The following ACAD11 variants were observed in gnomAD, a reference collection of about 807,000 sequenced individuals.
ACAD11 encodes acyl-Coenzyme A dehydrogenase family, member 11.
ACAD11 carries 83 observed loss-of-function variants against 102.2 expected under a neutral mutation model. The ratio of observed to expected loss-of-function variants is 0.81; its 90% confidence interval spans 0.68 to 0.97. The LOEUF (loss-of-function observed/expected upper bound fraction) is 0.97, where lower values mean the gene tolerates loss of function less well. Among genes scored for constraint, ACAD11 ranks in the 50% least tolerant of loss-of-function variants. The pLI is 0.00. For synonymous variants in ACAD11, 324 were observed against 319.8 expected (o/e 1.01, Z -0.14); for missense variants, 901 against 951.7 (o/e 0.95, Z 0.70).
chr3:132,627,948 AT>A (rs1939891183), intron 8 of ACAD11, among the ~76,000 whole-genome samples: 1 of 152,220 alleles, frequency 6.6e-6, no homozygotes, highest in Non-Finnish European at 1.5e-5. Flanking sequence ...TGCTTATGAA[AT>A]GTCTGAATAT....
At chr3:132,571,719 A>G (rs1937388414) in intron 17 of ACAD11, among the ~76,000 whole-genome samples, 1 of 152,190 alleles carries the variant, frequency 6.6e-6, no homozygotes, top group Non-Finnish European at 1.5e-5. Flanking sequence ...ACCATGATCC[A>G]GTAGGCTATA....
At chr3:132,594,468 C>T (rs1938214446) in intron 13 of ACAD11, among the ~76,000 whole-genome samples, 1 of 152,168 alleles carries the variant, frequency 6.6e-6, no homozygotes, top group South Asian at 2.1e-4. Flanking sequence ...GGATAAGTTA[C>T]TTAAATATCA....
chr3:132,654,282 A>G (rs1456367681), intron 1 of ACAD11, among the ~76,000 whole-genome samples: 1 of 152,250 alleles, frequency 6.6e-6, no homozygotes, highest in Non-Finnish European at 1.5e-5. Context: ...TAAACATCCT[A>G]GAGTGCACTT....
chr3:132,624,165 G>A (rs926238800), intron 9 of ACAD11, among the ~76,000 whole-genome samples: 1 of 151,802 alleles, frequency 6.6e-6, no homozygotes, highest in Admixed American at 6.6e-5. Flanking sequence ...ATTTAGCCCG[G>A]TATGGTGGCA....
At chr3:132,621,674 G>C (rs975403984) in intron 9 of ACAD11, among the ~76,000 whole-genome samples, 2 of 152,100 alleles carry the variant, frequency 1.3e-5, no homozygotes, top group Admixed American at 1.3e-4. Context: ...ATGATAAATA[G>C]GTAGGTAAAC....
chr3:132,616,221 C>T (rs919280608), intron 11 of ACAD11, among the ~76,000 whole-genome samples: 31 of 152,108 alleles, frequency 2.0e-4, no homozygotes, highest in African/African-American at 7.2e-4. Context: ...AATCTCTGTC[C>T]AATTTTAAAA....
chr3:132,634,016 AAC>A (rs1299984402), intron 5 of ACAD11, among the ~76,000 whole-genome samples: 1 of 152,132 alleles, frequency 6.6e-6, no homozygotes, highest in Admixed American at 6.5e-5. Flanking sequence ...TCATGTCTAA[AAC>A]ACCAAAAGCA....
chr3:132,599,070 T>C (rs1050949641), intron 13 of ACAD11, among the ~76,000 whole-genome samples: 1 of 152,188 alleles, frequency 6.6e-6, no homozygotes, highest in Admixed American at 6.5e-5. Context: ...TCCAACTCTT[T>C]GCGAGGCCAA....
chr3:132,564,448 T>C (rs80061220), intron 17 of ACAD11, among the ~76,000 whole-genome samples: 2,667 of 152,384 alleles, frequency 0.018, 47 homozygotes, highest in South Asian at 0.084. Context: ...TAACAATAGT[T>C]GTAGAACTAT....
chr3:132,601,291 C>G (rs1415109973), intron 13 of ACAD11: 13 of 1,613,820 alleles, frequency 8.1e-6, no homozygotes, highest in Non-Finnish European at 1.0e-5. Flanking sequence ...ACAGCTGCCT[C>G]AACCCAATCC....
At chr3:132,618,818 C>T in intron 10 of ACAD11, 46 bp from the exon 11 acceptor site, 3 of 1,466,088 alleles carry the variant, frequency 2.0e-6, no homozygotes, top group Non-Finnish European at 1.8e-6. Context: ...TTTACCAGGA[C>T]TCACAGTAGT....
At chr3:132,655,295 G>C (rs182330380) in intron 1 of ACAD11, among the ~76,000 whole-genome samples, 12 of 152,296 alleles carry the variant, frequency 7.9e-5, no homozygotes, top group African/African-American at 2.4e-4. Flanking sequence ...ACAAGAAGCA[G>C]AGATTCTGTT....
At position 132,611,020 on chromosome 3, in the gene ACAD11, C is replaced by T. The variant is rs113161198; in HGVS notation, c.1415-5815G>A. Among the ~76,000 whole-genome samples the T allele has an allele frequency of 1.4e-3, 217 of 152,260 alleles. 2 individuals carry two copies. Among genetic ancestry groups the T allele is most frequent in the African/African-American group, 4.5e-3 (189 of 41,546 alleles). ...TCCAGCAGCACATCAAAAAGCTTAT[C>T]CACCATGATCAAGTGGGCTTCATCC... On this transcript the variant is annotated intron_variant, in intron 11 of 19. Transcript: ENST00000264990.
chr3:132,626,568 A>T (rs1939822009), intron 9 of ACAD11, 123 bp downstream of exon 9: 1 of 1,120,446 alleles, frequency 8.9e-7, no homozygotes, highest in Non-Finnish European at 1.3e-6. Flanking sequence ...TAAGGTGAGA[A>T]GAAGAATCTA....
chr3:132,573,362 GAATA>G (rs1333459488), intron 17 of ACAD11, among the ~76,000 whole-genome samples: 1 of 152,046 alleles, frequency 6.6e-6, no homozygotes, highest in Non-Finnish European at 1.5e-5. Context: ...CCATATTGAA[GAATA>G]AATATTAAAA....
chr3:132,636,112 C>A (rs576675807), intron 5 of ACAD11, among the ~76,000 whole-genome samples: 1 of 152,168 alleles, frequency 6.6e-6, no homozygotes, highest in Non-Finnish European at 1.5e-5. Context: ...AGCTATAAAA[C>A]AACAGCCAGT....
rs757559781 is a variant in ACAD11, at chr3:132,603,294, A to G, written c.1556T>C (p.Ile519Thr). ...PDVASSDATN[I>T]ECSIQRDEDS... ...TTCATCTCGTTGGATGCTGCATTCA[A>G]TATTCGTGGCATCACTTGAAGCTAC... is the stretch of plus-strand genomic sequence containing the variant. Residue 519 changes from isoleucine to threonine, a missense_variant, in exon 13 of 20, where the codon ATT becomes ACT. Physicochemically the swap from Ile to Thr is moderately conservative, Grantham distance 89. Transcript: ENST00000264990. 1 of 1,614,122 alleles carries G rather than the reference A, an allele frequency of 6.2e-7. No individual in the cohort carries two copies. The highest frequency in any genetic ancestry group is 8.5e-7 in the Non-Finnish European group (1 of 1,179,952).
At chr3:132,612,153 G>A (rs1193212557) in intron 11 of ACAD11, among the ~76,000 whole-genome samples, 3 of 151,950 alleles carry the variant, frequency 2.0e-5, no homozygotes, top group African/African-American at 7.3e-5. Flanking sequence ...AAATGGTGCT[G>A]GGAAAACTGG....
At chr3:132,613,486 T>C (rs949170643) in intron 11 of ACAD11, among the ~76,000 whole-genome samples, 1 of 151,914 alleles carries the variant, frequency 6.6e-6, no homozygotes, top group Non-Finnish European at 1.5e-5. Context: ...CTATTCAACA[T>C]AGTATTGGAA....
Sources: allele counts gnomAD v4.1 joint callset (sites outside exome capture counted in the v4.1 genomes callset), GRCh38; gene constraint gnomAD v4.1.1; transcripts MANE v1.5; gene names NCBI Gene and HGNC (gene_info 2026-07-23, HGNC 2026-07-21).